DOCK10: variants seen among roughly 807,000 people sequenced by gnomAD.
DOCK10 encodes the protein dedicator of cytokinesis protein 10.
DOCK10 carries 145 observed loss-of-function variants against 280.1 expected under a neutral mutation model. The ratio of observed to expected loss-of-function variants is 0.52; its 90% CI spans 0.45 to 0.59. DOCK10 has a LOEUF of 0.59. DOCK10 is among the 20% of genes least tolerant of loss of function. DOCK10 has a pLI of 0.00. For synonymous variants in DOCK10, 915 were observed against 942.2 expected, an observed-to-expected ratio of 0.97 and a Z score of 0.53; for missense variants, 2,368 against 2,651.7, an observed-to-expected ratio of 0.89 and a Z score of 2.35.
chr2:224,914,481 A>G (rs1316550220), intron 3 of DOCK10, among the ~76,000 whole-genome samples: 3 of 152,344 alleles, frequency 2.0e-5, no homozygotes, highest in African/African-American at 7.2e-5. Context: ...AAATACAAGT[A>G]GGGATCCACA....
At chr2:224,994,695 G>A (rs1706220175) in intron 1 of DOCK10, among the ~76,000 whole-genome samples, 1 of 152,160 alleles carries the variant, frequency 6.6e-6, no homozygotes, top group African/African-American at 2.4e-5. Flanking sequence ...CCTCTGACTG[G>A]TCTGTTTCAG....
intron 27 of DOCK10, among the ~76,000 whole-genome samples, chr2:224,826,573 C>T (rs1694867072): frequency 6.6e-6 from 1 of 151,910 alleles, no homozygotes; most frequent in African/African-American, 2.4e-5. Flanking sequence ...GAAAAGTTTA[C>T]TGTGAATGCT....
chr2:224,928,906 C>T (rs1702176210), intron 2 of DOCK10, among the ~76,000 whole-genome samples: 2 of 152,174 alleles, frequency 1.3e-5, no homozygotes, highest in African/African-American at 4.8e-5. Context: ...TTGCCCTTGC[C>T]TATAGTTAGA....
At chr2:225,014,081 A>ATATATATTTTTTTTTTTTTTTTT (rs776104946) in intron 1 of DOCK10, among the ~76,000 whole-genome samples, 1 of 96,800 alleles carries the variant, frequency 1.0e-5, no homozygotes. Context: ...GTCTGAATAT[A>ATATATATTTTTTTTTTTTTTTTT]TTGTTTTTTT....
In DOCK10 at chr2:224,946,826, C is replaced by T. The variant is rs1432184230; in HGVS notation, c.124-15158G>A. ...ATTGAAGGAAAGATGGAAAGCAAAACATTGACATTTGGATACCTACAGAAC... is the reference window on the plus strand; with the variant it reads ...ATTGAAGGAAAGATGGAAAGCAAAATATTGACATTTGGATACCTACAGAAC... On this transcript the variant is annotated intron_variant, in intron 1 of 55. Transcript: ENST00000258390. 56 of 1,499,146 alleles carry T rather than the reference C, an allele frequency of 3.7e-5. No homozygotes were observed. The East Asian group carries it at 1.4e-3, about 38-fold the overall frequency. The allele number at this position is 1,499,146 out of a possible 1,614,324, so 92.9% of individuals were successfully genotyped here. A position where few individuals can be genotyped will look rare whatever the true frequency, so the allele number is the denominator to read the frequency against.
chr2:224,884,045 C>A (rs1295459676), intron 7 of DOCK10, among the ~76,000 whole-genome samples: 1 of 152,126 alleles, frequency 6.6e-6, no homozygotes, highest in African/African-American at 2.4e-5. Flanking sequence ...AAAAGGTGTC[C>A]TTTGTGACCA....
rs1237341838 is a variant in DOCK10 at position 224,852,954 on chromosome 2, C to G, written c.2057G>C (p.Ser686Thr). The change falls in exon 17 of 56, where the codon AGC becomes ACC. Residue 686 changes from serine to threonine, a missense_variant. Coordinates refer to ENST00000258390, the MANE Select transcript of DOCK10 (RefSeq NM_014689.3). Reference protein sequence around the residue: ...YIYPKHLKYDSQKCFNKARNI... With the variant: ...YIYPKHLKYDTQKCFNKARNI... ...TCATACCTTGTTGAAGCATTTCTGG[C>G]TATCATACTTGAGGTGTTTGGGGTA... 1 of 1,596,644 alleles carries G rather than the reference C, an allele frequency of 6.3e-7. No individual in the cohort carries two copies. The highest frequency in any genetic ancestry group is 1.7e-5 in the Admixed American group (1 of 58,606).
At chr2:224,896,480 G>T (rs1257179277) in intron 3 of DOCK10, 103 bp from the exon 4 acceptor site, 2 of 643,018 alleles carry the variant, frequency 3.1e-6, no homozygotes, top group Non-Finnish European at 5.1e-6. Context: ...AGTCTGAGGC[G>T]GGTAGATCAC....
intron 31 of DOCK10, among the ~76,000 whole-genome samples, chr2:224,810,912 C>A (rs1178192182): frequency 6.6e-6 from 1 of 152,030 alleles, no homozygotes; most frequent in Non-Finnish European, 1.5e-5. Flanking sequence ...GGCTCCAAGT[C>A]TTTGCTATTG....
chr2:224,837,643 T>C (rs1695674165), intron 25 of DOCK10, 119 bp downstream of exon 25: 2 of 756,852 alleles, frequency 2.6e-6, no homozygotes, highest in Admixed American at 4.3e-5. Context: ...ATTCCTGATA[T>C]TACTGTGGTG....
chr2:225,016,803 A>G (rs1689619718), intron 1 of DOCK10, among the ~76,000 whole-genome samples: 1 of 151,636 alleles, frequency 6.6e-6, no homozygotes, highest in Non-Finnish European at 1.5e-5. Flanking sequence ...CCCGTGTTCA[A>G]GCGATTCTCT....
chr2:224,781,789 A>G (rs1395702555), intron 50 of DOCK10, among the ~76,000 whole-genome samples: 1 of 152,224 alleles, frequency 6.6e-6, no homozygotes, highest in Non-Finnish European at 1.5e-5. Flanking sequence ...TGAAACTTTA[A>G]GGCAATACAT....
At chr2:224,998,833 T>C (rs1706347126) in intron 1 of DOCK10, among the ~76,000 whole-genome samples, 1 of 152,132 alleles carries the variant, frequency 6.6e-6, no homozygotes, top group African/African-American at 2.4e-5. Flanking sequence ...GATTTTTATA[T>C]GGGAAAAGGA....
intron 1 of DOCK10, among the ~76,000 whole-genome samples, chr2:224,988,963 C>A (rs368178118): frequency 6.6e-6 from 1 of 152,248 alleles, no homozygotes. Flanking sequence ...TTGGTGAACA[C>A]CAAAATGCCC....
chr2:224,983,861 C>A, intron 1 of DOCK10: 1 of 471,084 alleles, frequency 2.1e-6, no homozygotes. Context: ...AGTCCCCTAA[C>A]TCCCTCTGGA....
At chr2:224,909,660 A>G (rs923375476) in intron 3 of DOCK10, among the ~76,000 whole-genome samples, 1 of 152,144 alleles carries the variant, frequency 6.6e-6, no homozygotes, top group Admixed American at 6.5e-5. Flanking sequence ...AACTTGGGCG[A>G]GTTCATTATT....
chr2:224,847,345 G>T (rs1696433650), intron 19 of DOCK10, among the ~76,000 whole-genome samples: 1 of 152,140 alleles, frequency 6.6e-6, no homozygotes, highest in Admixed American at 6.5e-5. Context: ...AGGTGGTGTG[G>T]TCAGTAAAAG....
intron 32 of DOCK10, 53 bp from the exon 33 acceptor site, chr2:224,807,837 G>C (rs1693502425): frequency 3.2e-6 from 5 of 1,575,352 alleles, no homozygotes; most frequent in Middle Eastern, 1.7e-4. Flanking sequence ...CAATAGGCTT[G>C]TCGGTTTCAT....
chr2:224,968,817 T>C (rs2126200438), intron 1 of DOCK10, among the ~76,000 whole-genome samples: 1 of 152,360 alleles, frequency 6.6e-6, no homozygotes, highest in South Asian at 2.1e-4. Flanking sequence ...ACATTTATAG[T>C]GCATCTATGG....
Sources: allele counts gnomAD v4.1 joint callset (sites outside exome capture counted in the v4.1 genomes callset), GRCh38; gene constraint gnomAD v4.1.1; transcripts MANE v1.5; gene names NCBI Gene and HGNC (gene_info 2026-07-23, HGNC 2026-07-21).